The following ACYP2 variants were observed in gnomAD, a reference collection of about 807,000 sequenced individuals.
ACYP2 encodes the protein acylphosphatase-2.
A neutral mutation model predicts 11.2 loss-of-function variants in ACYP2; 12 were observed. The observed-to-expected ratio is 1.08, with a 90% CI of 0.69 to 1.74. ACYP2 has a LOEUF of 1.74. Ranked by LOEUF, ACYP2 falls within the 40% of genes most tolerant of loss-of-function variation. The probability of loss-of-function intolerance (pLI) is 0.00; values close to 1 mark genes in which losing one functional copy is unlikely to be tolerated. For missense variants in ACYP2, 134 were observed against 101.9 expected (o/e 1.31, Z -1.35); for synonymous variants, 43 against 32.2 (o/e 1.33, Z -1.13).
At chr2:54,228,588 A>G (rs998475967) in intron 6 of ACYP2, among the ~76,000 whole-genome samples, 1 of 152,198 alleles carries the variant, frequency 6.6e-6, no homozygotes, top group Admixed American at 6.5e-5. Flanking sequence ...GAATTGATGA[A>G]TTCATAATTC....
chr2:54,208,526 G>A (rs1275994398), intron 6 of ACYP2, among the ~76,000 whole-genome samples: 1 of 152,080 alleles, frequency 6.6e-6, no homozygotes, highest in Non-Finnish European at 1.5e-5. Context: ...GTGACTCCCA[G>A]GGTTGGGCAG....
chr2:54,238,610 T>C (rs1293949475), intron 6 of ACYP2, among the ~76,000 whole-genome samples: 7 of 152,136 alleles, frequency 4.6e-5, no homozygotes, highest in Non-Finnish European at 8.8e-5. Context: ...TGTTTGAAGA[T>C]ATAGCTTTCA....
intron 6 of ACYP2, among the ~76,000 whole-genome samples, chr2:54,250,485 G>T (rs1002510124): frequency 2.7e-4 from 41 of 151,208 alleles, no homozygotes; most frequent in Non-Finnish European, 5.0e-4. Context: ...GGTGGGGGGG[G>T]CGTTGAAAGT....
intron 6 of ACYP2, among the ~76,000 whole-genome samples, chr2:54,274,733 T>G (rs1353380122): frequency 6.6e-6 from 1 of 151,292 alleles, no homozygotes; most frequent in Non-Finnish European, 1.5e-5. Context: ...ATGTCAAAGA[T>G]TTTCCCTAAG....
chr2:54,135,232 A>G (rs1208870015), intron 4 of ACYP2, among the ~76,000 whole-genome samples: 1 of 152,238 alleles, frequency 6.6e-6, no homozygotes, highest in East Asian at 1.9e-4. Context: ...AGATTTCACT[A>G]TGCTACTCAG....
intron 4 of ACYP2, among the ~76,000 whole-genome samples, chr2:54,080,745 C>T (rs1014835240): frequency 4.6e-5 from 7 of 152,096 alleles, no homozygotes; most frequent in African/African-American, 1.4e-4. Flanking sequence ...ACCTCGGCCT[C>T]CCAAATTGCT....
chr2:54,135,374 G>T, intron 4 of ACYP2, 79 bp from the exon 2 acceptor site: 1 of 1,393,490 alleles, frequency 7.2e-7, no homozygotes. Flanking sequence ...GGACCACCTA[G>T]ATAAAAGTTA....
At chr2:54,304,262 ATC>A (rs1689834839) in intron 6 of ACYP2, among the ~76,000 whole-genome samples, 1 of 151,142 alleles carries the variant, frequency 6.6e-6, no homozygotes, top group Non-Finnish European at 1.5e-5. Flanking sequence ...AGATATATGT[ATC>A]TCTCTATATA....
At chr2:54,038,506 A>C (rs908222568) in intron 2 of ACYP2, among the ~76,000 whole-genome samples, 2 of 151,826 alleles carry the variant, frequency 1.3e-5, no homozygotes, top group Non-Finnish European at 2.9e-5. Context: ...TTGATCATTT[A>C]ATCCTTGTAA....
At chr2:54,230,981 C>T (rs1380246283) in intron 6 of ACYP2, among the ~76,000 whole-genome samples, 2 of 151,752 alleles carry the variant, frequency 1.3e-5, no homozygotes, top group Admixed American at 6.6e-5. Context: ...CAGGCGCCTG[C>T]CACCACGCCC....
At chr2:54,252,817 C>A (rs1032147702) in intron 6 of ACYP2, among the ~76,000 whole-genome samples, 2 of 150,698 alleles carry the variant, frequency 1.3e-5, no homozygotes, top group Non-Finnish European at 3.0e-5. Flanking sequence ...GGCAGGAGAA[C>A]GGTATGAACC....
At chr2:54,163,167 C>A (rs770250593) in intron 6 of ACYP2, among the ~76,000 whole-genome samples, 1 of 152,150 alleles carries the variant, frequency 6.6e-6, no homozygotes, top group Non-Finnish European at 1.5e-5. Flanking sequence ...GTCCCCGGAT[C>A]ACATTTTGAG....
chr2:54,250,265 T>G (rs1687157697), intron 6 of ACYP2, among the ~76,000 whole-genome samples: 2 of 152,016 alleles, frequency 1.3e-5, no homozygotes, highest in South Asian at 4.2e-4. Flanking sequence ...GATCACGAGG[T>G]CAGGAGTTCG....
chr2:54,255,318 GGTTAA>G (rs1558646870), intron 6 of ACYP2: 1 of 1,614,104 alleles, frequency 6.2e-7, no homozygotes. Context: ...CTTCCAAATT[GGTTAA>G]GTAGCTTAAC....
chr2:54,304,730 T>G lies in ACYP2; in HGVS notation c.447T>G (p.Ile149Met). 1 of 1,612,452 alleles carries G rather than the reference T, an allele frequency of 6.2e-7. No homozygotes were observed. The highest frequency in any genetic ancestry group is 8.5e-7 in the Non-Finnish European group (1 of 1,179,662). Reference sequence around the variant, plus strand: ...AGGTTGGAAGCCCTAGTTCTCGCATTGACCGCACAAACTTTTCTAATGAAA... The same window carrying G: ...AGGTTGGAAGCCCTAGTTCTCGCATGGACCGCACAAACTTTTCTAATGAAA... The change falls in exon 7 of 7, where the codon ATT becomes ATG. Residue 149 changes from isoleucine (I) to methionine (M), a missense_variant. Transcript: ENST00000607452.
At chr2:54,231,804 G>A (rs946523788) in intron 6 of ACYP2, among the ~76,000 whole-genome samples, 4 of 152,096 alleles carry the variant, frequency 2.6e-5, no homozygotes, top group African/African-American at 4.8e-5. Flanking sequence ...TCTCGGGCAC[G>A]CCACCACAGC....
intron 4 of ACYP2, among the ~76,000 whole-genome samples, chr2:54,073,050 T>C (rs935945654): frequency 6.6e-6 from 1 of 152,208 alleles, no homozygotes; most frequent in Non-Finnish European, 1.5e-5. Flanking sequence ...TTATGATCAG[T>C]AGACTAGAAT....
At position 54,109,487 on chromosome 2, in the gene ACYP2, A is replaced by G. The variant is rs183516426; in HGVS notation, c.278-25966A>G. Among the ~76,000 whole-genome samples, 6 of 152,262 alleles carry G rather than the reference A, an allele frequency of 3.9e-5. No individual in the cohort carries two copies. The East Asian group carries it at 1.2e-3, about 29-fold the overall frequency. Reference sequence around the variant, plus strand: ...ACACTGCTTGAGGGATGGGTGCACCAAAATCTCAGAAATCACCACTAAAGA... The same window carrying G: ...ACACTGCTTGAGGGATGGGTGCACCGAAATCTCAGAAATCACCACTAAAGA... On this transcript the variant is annotated intron_variant, in intron 4 of 6. Transcript: ENST00000607452.
At chr2:54,041,101 C>G (rs1377850248) in intron 2 of ACYP2, among the ~76,000 whole-genome samples, 3 of 104,398 alleles carry the variant, frequency 2.9e-5, no homozygotes, top group Admixed American at 8.9e-5. Flanking sequence ...CTCTTTCTTT[C>G]TTTCTTTCTT....
Sources: gnomAD v4.1 joint callset for allele counts (sites outside exome capture counted in the v4.1 genomes callset) on GRCh38, gnomAD v4.1.1 for gene constraint, MANE v1.5 for transcripts, NCBI Gene and HGNC (gene_info 2026-07-23, HGNC 2026-07-21) for gene names.